Variants in BLTP2 observed in about 807,000 individuals in gnomAD.
BLTP2 encodes bridge-like lipid transfer protein family member 2.
chr17:28,631,730 G>C, the BLTP2 span: 5 of 1,606,154 alleles, frequency 3.1e-6, no homozygotes, highest in African/African-American at 1.3e-5. Flanking sequence ...TCAGAGGATA[G>C]TGTAAGACAG....
the BLTP2 span, chr17:28,644,933 T>G: frequency 1.6e-4 from 226 of 1,444,172 alleles, 1 homozygote; most frequent in African/African-American, 2.8e-3. Flanking sequence ...CTTCCTCCTC[T>G]CCGCCCCCTC....
the BLTP2 span, chr17:28,638,258 T>C: frequency 2.7e-5 from 43 of 1,611,748 alleles, no homozygotes; most frequent in Non-Finnish European, 3.4e-5. Context: ...CTACCTGTAG[T>C]GTGAAGGAGT....
At chr17:28,639,177 A>C in the BLTP2 span, 24 of 834,506 alleles carry the variant, frequency 2.9e-5, no homozygotes, top group African/African-American at 3.4e-4. Flanking sequence ...AAGATATATA[A>C]AACAGGATTG....
the BLTP2 span, chr17:28,631,771 G>T: frequency 1.9e-6 from 3 of 1,604,364 alleles, no homozygotes; most frequent in Admixed American, 5.0e-5. Flanking sequence ...ACTGAGAAGG[G>T]AAAAACAAGG....
chr17:28,633,101 G>T, the BLTP2 span: 1 of 1,590,514 alleles, frequency 6.3e-7, no homozygotes, highest in Non-Finnish European at 8.6e-7. Context: ...CCATGGCACA[G>T]CCACTGCAGG....
chr17:28,637,405 T>C, the BLTP2 span, among the ~76,000 whole-genome samples: 18 of 152,222 alleles, frequency 1.2e-4, no homozygotes, highest in Admixed American at 3.9e-4. Context: ...ATTTACTCTC[T>C]AGAACTAAAC....
At chr17:28,643,048 G>T in the BLTP2 span, 1 of 1,522,520 alleles carries the variant, frequency 6.6e-7, no homozygotes, top group Non-Finnish European at 9.1e-7. Flanking sequence ...TTCCTTTCCA[G>T]ATGAGAAAGA....
the BLTP2 span, chr17:28,645,074 C>G: frequency 6.4e-7 from 1 of 1,574,342 alleles, no homozygotes; most frequent in Non-Finnish European, 8.6e-7. Flanking sequence ...CGGGTCCGGC[C>G]CGGCTTGGCC....
the BLTP2 span, chr17:28,616,712 G>C: frequency 6.2e-7 from 1 of 1,614,230 alleles, no homozygotes. This position sits in a 1 kb window ranked among gnomAD's most constrained non-coding sequence, Gnocchi z 4.8. Flanking sequence ...TTCTGTGGAA[G>C]AACTGGTGTG....
the BLTP2 span, chr17:28,635,820 T>C: frequency 1.9e-5 from 10 of 516,312 alleles, no homozygotes; most frequent in African/African-American, 1.5e-4. Flanking sequence ...TAAGAGCACT[T>C]ATACTTTTTA....
chr17:28,635,749 G>GC, the BLTP2 span: 2 of 815,016 alleles, frequency 2.5e-6, no homozygotes, highest in Non-Finnish European at 3.7e-6. Context: ...ATTAATTACT[G>GC]CCTTGCTTTG....
the BLTP2 span, chr17:28,621,563 G>A: frequency 8.6e-7 from 1 of 1,156,106 alleles, no homozygotes. Flanking sequence ...GGACAATTGG[G>A]TGACAGATCT....
At chr17:28,639,996 T>C in the BLTP2 span, 1 of 1,613,992 alleles carries the variant, frequency 6.2e-7, no homozygotes, top group South Asian at 1.1e-5. Flanking sequence ...GTACAGGAAC[T>C]GCAGCAGCTT....
the BLTP2 span, among the ~76,000 whole-genome samples, chr17:28,636,241 T>C: frequency 6.6e-6 from 1 of 152,266 alleles, no homozygotes; most frequent in Middle Eastern, 3.4e-3. Context: ...AACTCTTCAG[T>C]TTCCAAAGGA....
chr17:28,626,350 A>G, the BLTP2 span, among the ~76,000 whole-genome samples: 1 of 152,188 alleles, frequency 6.6e-6, no homozygotes, highest in Non-Finnish European at 1.5e-5. Context: ...CTGTCTACTA[A>G]AAGAGACTGT....
At chr17:28,629,611 C>T in the BLTP2 span, among the ~76,000 whole-genome samples, 2 of 151,824 alleles carry the variant, frequency 1.3e-5, no homozygotes, top group East Asian at 1.9e-4. Context: ...CCGAGTAGCT[C>T]GGATTACAGG....
the BLTP2 span, chr17:28,639,259 A>G: frequency 1.3e-6 from 2 of 1,595,624 alleles, no homozygotes; most frequent in Non-Finnish European, 1.7e-6. Context: ...ATTTGGACCA[A>G]AAGAATCCCA....
At chr17:28,638,696 T>C in the BLTP2 span, 4 of 1,032,468 alleles carry the variant, frequency 3.9e-6, no homozygotes, top group Non-Finnish European at 2.9e-6. Flanking sequence ...CAGCTTCCTA[T>C]CATGGAACAG....
At chr17:28,620,741 TGA>T in the BLTP2 span, 1 of 1,239,528 alleles carries the variant, frequency 8.1e-7, no homozygotes, top group Non-Finnish European at 1.1e-6. Flanking sequence ...ACAGAAAGGG[TGA>T]GAGTTGCTCA....
Sources: allele counts gnomAD v4.1 joint callset (sites outside exome capture counted in the v4.1 genomes callset), GRCh38; gene constraint gnomAD v4.1.1; non-coding constraint Gnocchi (gnomAD v3.1); transcripts MANE v1.5; gene names NCBI Gene and HGNC (gene_info 2026-07-23, HGNC 2026-07-21).